The following ITPR1 variants were observed in gnomAD, a reference collection of about 807,000 sequenced individuals.
ITPR1 encodes inositol 1,4,5-trisphosphate receptor type 1, also known as inositol 1,4,5-trisphosphate-gated calcium channel ITPR1.
In ITPR1, 96 loss-of-function variants were observed where a neutral mutation model predicts 318.4. The observed-to-expected ratio is 0.30, with a 90% CI of 0.26 to 0.36. ITPR1 has a LOEUF of 0.36. Ranked by LOEUF, ITPR1 falls within the 10% of genes least tolerant of loss-of-function variation. The pLI is 1.00. For missense variants in ITPR1, 2,440 were observed against 3,460.2 expected (o/e 0.71, Z 7.40); for synonymous variants, 1,312 against 1,289.9 (o/e 1.02, Z -0.37).
At chr3:4,577,452 C>T (rs1037879174) in intron 4 of ITPR1, among the ~76,000 whole-genome samples, 2 of 152,140 alleles carry the variant, frequency 1.3e-5, no homozygotes, top group Non-Finnish European at 2.9e-5. Flanking sequence ...TGCTAGCAGG[C>T]GAACCATGCT....
At chr3:4,610,020 A>G (rs1028320154) in intron 4 of ITPR1, among the ~76,000 whole-genome samples, 2 of 152,226 alleles carry the variant, frequency 1.3e-5, no homozygotes, top group South Asian at 2.1e-4. Flanking sequence ...TCCATTCTAC[A>G]TGGTGGGCTG....
intron 4 of ITPR1, among the ~76,000 whole-genome samples, chr3:4,558,581 A>G (rs925716412): frequency 2.6e-5 from 4 of 152,204 alleles, no homozygotes; most frequent in African/African-American, 9.6e-5. Context: ...AACAGGAATT[A>G]AAGGGACTAC....
intron 4 of ITPR1, among the ~76,000 whole-genome samples, chr3:4,582,774 G>T (rs7642352): frequency 0.78 from 118,303 of 152,146 alleles, 47,132 homozygotes; most frequent in South Asian, 0.89. Context: ...AAACCTAAAT[G>T]ACTCAAGGGA....
chr3:4,618,348 T>C (rs1281752944), intron 4 of ITPR1, among the ~76,000 whole-genome samples: 1 of 152,224 alleles, frequency 6.6e-6, no homozygotes, highest in Non-Finnish European at 1.5e-5. Flanking sequence ...TTCTAGATGA[T>C]GTGTGTCTCT....
intron 44 of ITPR1, among the ~76,000 whole-genome samples, chr3:4,747,372 G>T (rs889349676): frequency 6.6e-6 from 1 of 152,140 alleles, no homozygotes; most frequent in African/African-American, 2.4e-5. Context: ...GTTGTTCCAG[G>T]GTTTGTTTTC....
At chr3:4,789,088 G>A (rs1341675994) in intron 52 of ITPR1, among the ~76,000 whole-genome samples, 2 of 152,164 alleles carry the variant, frequency 1.3e-5, no homozygotes, top group Non-Finnish European at 2.9e-5. Context: ...GGTGCAAGAA[G>A]GTTCGCCCAA....
intron 4 of ITPR1, among the ~76,000 whole-genome samples, chr3:4,531,075 C>T (rs889140091): frequency 1.1e-4 from 16 of 152,006 alleles, no homozygotes; most frequent in Non-Finnish European, 4.4e-5. Flanking sequence ...CTGTTATGTC[C>T]CCATTTTACA....
intron 4 of ITPR1, among the ~76,000 whole-genome samples, chr3:4,530,260 C>G (rs568640707): frequency 6.6e-6 from 1 of 152,164 alleles, no homozygotes; most frequent in South Asian, 2.1e-4. Context: ...TCAAAGGGAC[C>G]AAATCTTGCC....
chr3:4,531,004 T>C (rs1285695044), intron 4 of ITPR1, among the ~76,000 whole-genome samples: 1 of 151,998 alleles, frequency 6.6e-6, no homozygotes, highest in Non-Finnish European at 1.5e-5. Flanking sequence ...TGTGCTTGGC[T>C]TTCTGATAGG....
intron 55 of ITPR1, among the ~76,000 whole-genome samples, chr3:4,807,096 ACAAAGAGAGGGGGG>A (rs2048607539): frequency 2.4e-5 from 1 of 41,200 alleles, no homozygotes; most frequent in African/African-American, 6.6e-5. Context: ...AGGGGGGCTT[ACAAAGAGAGGGGGG>A]CTTACAAAGA....
intron 44 of ITPR1, chr3:4,749,651 C>T (rs2044356036): frequency 6.6e-6 from 1 of 152,218 alleles, no homozygotes; most frequent in Non-Finnish European, 1.5e-5. Context: ...TCAGCAAAAG[C>T]TTATTGACAC....
At chr3:4,684,589 C>G (rs17041201) in intron 29 of ITPR1, among the ~76,000 whole-genome samples, 1 of 152,120 alleles carries the variant, frequency 6.6e-6, no homozygotes, top group African/African-American at 2.4e-5. Flanking sequence ...TGCAACCTTT[C>G]GTAGGCACCG....
chr3:4,638,854 T>C (rs2093268019), intron 5 of ITPR1, among the ~76,000 whole-genome samples: 1 of 152,216 alleles, frequency 6.6e-6, no homozygotes, highest in Non-Finnish European at 1.5e-5. Flanking sequence ...TGTGCTACAG[T>C]GTATCAGGTA....
chr3:4,750,215 CTGT>C (rs931434309), intron 44 of ITPR1: 16 of 152,112 alleles, frequency 1.1e-4, no homozygotes, highest in African/African-American at 3.6e-4. Flanking sequence ...TCCATACCTG[CTGT>C]TGTTGTTTTA....
chr3:4,722,261 T>A (rs2042217428), intron 40 of ITPR1, among the ~76,000 whole-genome samples: 1 of 152,212 alleles, frequency 6.6e-6, no homozygotes, highest in African/African-American at 2.4e-5. Flanking sequence ...AGGGCACTAG[T>A]TGGTTTCTCA....
chr3:4,783,723 A>G, intron 50 of ITPR1, 93 bp from the exon 51 acceptor site: 3 of 1,008,072 alleles, frequency 3.0e-6, no homozygotes, highest in Non-Finnish European at 4.6e-6. Context: ...GCTGGTTATT[A>G]TGCATTTTTA....
intron 53 of ITPR1, among the ~76,000 whole-genome samples, chr3:4,795,784 T>C (rs73807155): frequency 0.039 from 5,976 of 152,316 alleles, 347 homozygotes; most frequent in African/African-American, 0.12. Flanking sequence ...CCCCCCAGCC[T>C]ACCTCCTTCC....
chr3:4,631,241 A>T (rs1374860108), intron 5 of ITPR1, among the ~76,000 whole-genome samples: 1 of 152,226 alleles, frequency 6.6e-6, no homozygotes, highest in Non-Finnish European at 1.5e-5. Context: ...GTTGCTGGTC[A>T]TGGTATTTCA....
At chr3:4,688,374 AC>A in intron 30 of ITPR1, 120 bp from the exon 31 acceptor site, 3 of 1,165,958 alleles carry the variant, frequency 2.6e-6, no homozygotes, top group Non-Finnish European at 3.7e-6. Flanking sequence ...CTCAATATTT[AC>A]CCACAACAGG....
Sources: allele counts gnomAD v4.1 joint callset (sites outside exome capture counted in the v4.1 genomes callset), GRCh38; gene constraint gnomAD v4.1.1; transcripts MANE v1.5; gene names NCBI Gene and HGNC (gene_info 2026-07-23, HGNC 2026-07-21).